C8orf34: variants seen among roughly 807,000 people sequenced by gnomAD.
The protein encoded by C8orf34 is uncharacterized protein C8orf34.
C8orf34 carries 65 observed loss-of-function variants against 68.3 expected under a neutral mutation model. The observed-to-expected ratio is 0.95, with a 90% CI of 0.78 to 1.17. The LOEUF is 1.17. Ranked by LOEUF, C8orf34 falls within the 50% of genes most tolerant of loss-of-function variation. The pLI, the probability that C8orf34 is intolerant of heterozygous loss-of-function variation, is 0.00. For missense variants in C8orf34, 664 were observed against 655.4 expected, an observed-to-expected ratio of 1.01 and a Z score of -0.14; for synonymous variants, 244 against 241.2, an observed-to-expected ratio of 1.01 and a Z score of -0.11.
rs1306454224 is a variant in C8orf34 at position 68,621,083 on chromosome 8, T to C, written c.1106-19293T>C. On this transcript the variant is annotated intron_variant, in intron 7 of 13. Transcript: ENST00000518698. ...ATATGTTTTATATGAAAAGTGTTCT[T>C]CATAATTTCAAAAGTTCTAGGAGAT... Among the ~76,000 whole-genome samples, 4 of 152,190 alleles carry C rather than the reference T, an allele frequency of 2.6e-5. No homozygotes were observed. The East Asian group carries it at 7.7e-4, about 29-fold the overall frequency.
At chr8:68,787,676 C>A in intron 12 of C8orf34, 140 bp downstream of exon 12, 1 of 532,362 alleles carries the variant, frequency 1.9e-6, no homozygotes, top group Non-Finnish European at 3.4e-6. Context: ...CATGTAAAGA[C>A]AAGCTATCCT....
intron 6 of C8orf34, 75 bp downstream of exon 6, chr8:68,522,046 G>A: frequency 2.2e-6 from 3 of 1,344,546 alleles, no homozygotes; most frequent in Non-Finnish European, 3.1e-6. Context: ...CCAAGTTCAT[G>A]GTTTTTATGA....
At position 68,408,331 on chromosome 8, in the gene C8orf34, T is replaced by C. The variant is rs112617363; in HGVS notation, c.328-31168T>C. The stretch of plus-strand genomic sequence containing the variant: ...ATAATTATTGTATTATATATTATAA[T>C]GTAATAATAATATAAATAAAGTACA... On this transcript the variant is annotated intron_variant, in intron 1 of 13. Transcript: ENST00000518698. Among the ~76,000 whole-genome samples, 1,015 of 151,380 alleles carry C rather than the reference T, an allele frequency of 6.7e-3. 12 individuals are homozygous for C. Among genetic ancestry groups the C allele is most frequent in the African/African-American group, 0.024 (976 of 41,070 alleles).
chr8:68,816,597 A>C (rs1187896377), intron 13 of C8orf34, among the ~76,000 whole-genome samples: 2 of 152,138 alleles, frequency 1.3e-5, no homozygotes, highest in Non-Finnish European at 2.9e-5. Context: ...ATGGTCACCC[A>C]GACTCTACAT....
chr8:68,435,674 C>A (rs879263687), intron 1 of C8orf34, among the ~76,000 whole-genome samples: 1 of 152,214 alleles, frequency 6.6e-6, no homozygotes, highest in Non-Finnish European at 1.5e-5. Context: ...GAATCTCCTA[C>A]ACATTTCTTT....
At chr8:68,484,684 T>G (rs1435529670) in intron 4 of C8orf34, among the ~76,000 whole-genome samples, 7 of 152,194 alleles carry the variant, frequency 4.6e-5, no homozygotes, top group Non-Finnish European at 8.8e-5. Flanking sequence ...CTGGGAGAGA[T>G]ATCCTGGCCA....
intron 8 of C8orf34, among the ~76,000 whole-genome samples, chr8:68,644,345 C>A (rs1258684252): frequency 6.6e-6 from 1 of 152,102 alleles, no homozygotes; most frequent in Non-Finnish European, 1.5e-5. Flanking sequence ...TTTACCTGGG[C>A]ATGGTGTCAA....
chr8:68,373,096 A>G (rs989278684), intron 1 of C8orf34, among the ~76,000 whole-genome samples: 50 of 152,198 alleles, frequency 3.3e-4, no homozygotes, highest in African/African-American at 1.2e-3. Context: ...CCTGCATTCA[A>G]TCAATTCTCC....
intron 12 of C8orf34, among the ~76,000 whole-genome samples, chr8:68,814,448 C>G (rs2129530075): frequency 6.6e-6 from 1 of 152,316 alleles, no homozygotes; most frequent in South Asian, 2.1e-4. Flanking sequence ...TTATTTCAAA[C>G]CCTTCCATGT....
At chr8:68,684,067 T>C (rs1460760040) in intron 8 of C8orf34, among the ~76,000 whole-genome samples, 1 of 152,050 alleles carries the variant, frequency 6.6e-6, no homozygotes, top group African/African-American at 2.4e-5. Flanking sequence ...TATTTCTCCT[T>C]CTGTTTCTTT....
chr8:68,548,490 C>T (rs974952249), intron 7 of C8orf34, among the ~76,000 whole-genome samples: 2 of 151,770 alleles, frequency 1.3e-5, no homozygotes, highest in Non-Finnish European at 3.0e-5. Context: ...GATGCCACTT[C>T]CTACCAGCTA....
At chr8:68,447,052 A>G (rs1420044559) in intron 3 of C8orf34, 2 of 153,518 alleles carry the variant, frequency 1.3e-5, no homozygotes, top group African/African-American at 4.8e-5. Context: ...CAGACTGTAC[A>G]AGAAGCATGA....
intron 2 of C8orf34, among the ~76,000 whole-genome samples, chr8:68,440,809 A>AT (rs11454498): frequency 0.59 from 87,099 of 146,392 alleles, 25,966 homozygotes; most frequent in Non-Finnish European, 0.64. Context: ...TAAACTCTGC[A>AT]TTTTTTTTTT....
chr8:68,385,657 AT>A (rs1231455474), intron 1 of C8orf34, among the ~76,000 whole-genome samples: 1 of 152,074 alleles, frequency 6.6e-6, no homozygotes. Context: ...CTTATCTGAG[AT>A]TTTTTTTCCA....
intron 5 of C8orf34, among the ~76,000 whole-genome samples, chr8:68,496,571 A>C (rs1813532939): frequency 6.6e-6 from 1 of 152,210 alleles, no homozygotes; most frequent in Non-Finnish European, 1.5e-5. Context: ...AGCTGTAGAC[A>C]GTGTGCCACG....
intron 12 of C8orf34, among the ~76,000 whole-genome samples, chr8:68,792,785 A>G (rs1179858880): frequency 6.6e-6 from 1 of 151,950 alleles, no homozygotes; most frequent in African/African-American, 2.4e-5. Flanking sequence ...TAGATGAAAG[A>G]AAAATAGAAA....
At chr8:68,518,709 A>G (rs1333215516) in intron 5 of C8orf34, among the ~76,000 whole-genome samples, 1 of 152,130 alleles carries the variant, frequency 6.6e-6, no homozygotes, top group Non-Finnish European at 1.5e-5. Flanking sequence ...CATCCTGGCC[A>G]ACATGGTGAA....
At chr8:68,810,356 G>A (rs1055673212) in intron 12 of C8orf34, among the ~76,000 whole-genome samples, 1 of 152,238 alleles carries the variant, frequency 6.6e-6, no homozygotes, top group Non-Finnish European at 1.5e-5. Flanking sequence ...ACTGCAAGCA[G>A]CTTCTGCTGC....
At chr8:68,458,645 ACT>A (rs1158151228) in intron 3 of C8orf34, among the ~76,000 whole-genome samples, 2 of 152,050 alleles carry the variant, frequency 1.3e-5, no homozygotes, top group Admixed American at 6.5e-5. Flanking sequence ...TGTTTTTTCC[ACT>A]CCCTCATCTG....
Sources: allele counts gnomAD v4.1 joint callset (sites outside exome capture counted in the v4.1 genomes callset), GRCh38; gene constraint gnomAD v4.1.1; transcripts MANE v1.5; gene names NCBI Gene and HGNC (gene_info 2026-07-23, HGNC 2026-07-21).